GRID2: variants seen among roughly 807,000 people sequenced by gnomAD.
The protein encoded by GRID2 is glutamate receptor ionotropic, delta-2.
Under a neutral mutation model 114.8 loss-of-function variants are expected in GRID2, and 33 were observed. The ratio of observed to expected loss-of-function variants is 0.29; its 90% CI spans 0.22 to 0.38. The LOEUF (loss-of-function observed/expected upper bound fraction) is 0.38, where lower values mean the gene tolerates loss of function less well. Among genes scored for constraint, GRID2 ranks in the 10% least tolerant of loss-of-function variants. GRID2 has a pLI of 1.00. For missense variants in GRID2, 1,184 were observed against 1,257.7 expected, an observed-to-expected ratio of 0.94 and a Z score of 0.89; for synonymous variants, 505 against 449.9, an observed-to-expected ratio of 1.12 and a Z score of -1.55.
intron 13 of GRID2, 116 bp downstream of exon 13, chr4:93,515,527 C>A: frequency 1.5e-6 from 1 of 666,540 alleles, no homozygotes; most frequent in Non-Finnish European, 2.6e-6. Flanking sequence ...TTAATGCTGA[C>A]GGCAAATTTC....
intron 1 of GRID2, among the ~76,000 whole-genome samples, chr4:92,478,975 T>C (rs1325271875): frequency 6.6e-6 from 1 of 152,146 alleles, no homozygotes; most frequent in East Asian, 1.9e-4. Context: ...GAGTTTCCTT[T>C]GTGGAGCTGA....
At chr4:93,043,987 G>GA (rs1303997958) in intron 2 of GRID2, among the ~76,000 whole-genome samples, 1 of 151,642 alleles carries the variant, frequency 6.6e-6, no homozygotes, top group Non-Finnish European at 1.5e-5. Context: ...TATAAGTGAA[G>GA]AAAACCTTAC....
chr4:93,316,479 C>T (rs1432590876), intron 8 of GRID2, among the ~76,000 whole-genome samples: 1 of 152,012 alleles, frequency 6.6e-6, no homozygotes, highest in Non-Finnish European at 1.5e-5. Flanking sequence ...GGGAAACACA[C>T]ATATCAACCA....
chr4:92,711,802 C>T (rs2149310123), intron 2 of GRID2, among the ~76,000 whole-genome samples: 1 of 152,230 alleles, frequency 6.6e-6, no homozygotes, highest in Non-Finnish European at 1.5e-5. Context: ...ACTCAGGAAG[C>T]TTAGGCAGGA....
At chr4:93,048,110 C>A (rs993541888) in intron 2 of GRID2, among the ~76,000 whole-genome samples, 6 of 151,908 alleles carry the variant, frequency 3.9e-5, no homozygotes, top group Admixed American at 1.3e-4. Context: ...ATGTTAGTTG[C>A]CCCACTCAGG....
At chr4:93,132,095 G>A (rs948711043) in intron 4 of GRID2, among the ~76,000 whole-genome samples, 7 of 152,214 alleles carry the variant, frequency 4.6e-5, no homozygotes, top group African/African-American at 1.7e-4. Context: ...CTGGACTAAG[G>A]AAAGGATAAA....
chr4:93,126,584 CTTTTTTTTTTTTTT>C (rs60017147), intron 4 of GRID2, among the ~76,000 whole-genome samples: 71 of 52,746 alleles, frequency 1.3e-3, no homozygotes, highest in African/African-American at 4.5e-3. Flanking sequence ...CTATTTAATT[CTTTTTTTTTTTTTT>C]TTTTTTTTTT....
chr4:92,672,509 A>G (rs1733123130), intron 2 of GRID2, among the ~76,000 whole-genome samples: 1 of 152,060 alleles, frequency 6.6e-6, no homozygotes, highest in South Asian at 2.1e-4. Context: ...TTTAAAGTGA[A>G]TTTCTGGTGT....
intron 2 of GRID2, among the ~76,000 whole-genome samples, chr4:93,057,286 A>C (rs997091713): frequency 8.6e-5 from 13 of 151,864 alleles, no homozygotes; most frequent in African/African-American, 3.1e-4. Flanking sequence ...TGACAGGTAC[A>C]TATTTCAGTG....
chr4:92,609,150 TTG>T lies in GRID2; in HGVS notation c.244+18866_244+18867del, dbSNP rs1220575739. 2.0e-5 allele frequency among the ~76,000 whole-genome samples: 3 copies of T among 151,932 alleles called. 1 individual carries two copies. The highest frequency in any genetic ancestry group is 4.4e-5 in the Non-Finnish European group (3 of 67,838). On this transcript the variant is annotated intron_variant, in intron 2 of 15. Coordinates refer to ENST00000282020, the MANE Select transcript of GRID2 (RefSeq NM_001510.4). ...GTTCTTCACACACAGCTTGAAATACTTGTTTTTCCTTACATGCTTAGTGTATC... is the reference window on the plus strand; with the variant it reads ...GTTCTTCACACACAGCTTGAAATACTTTTTTCCTTACATGCTTAGTGTATC...
At chr4:93,120,940 G>A (rs1299811248) in intron 4 of GRID2, among the ~76,000 whole-genome samples, 2 of 152,004 alleles carry the variant, frequency 1.3e-5, no homozygotes, top group South Asian at 2.1e-4. Flanking sequence ...GCGACAGTGC[G>A]AGACTCTGTC....
intron 1 of GRID2, among the ~76,000 whole-genome samples, chr4:92,483,565 A>G (rs1722719199): frequency 6.6e-6 from 1 of 152,172 alleles, no homozygotes; most frequent in Admixed American, 6.6e-5. Flanking sequence ...GATCAAAGCT[A>G]GAGTAAAATC....
chr4:93,257,999 TAC>T (rs3970979), intron 8 of GRID2, among the ~76,000 whole-genome samples: 757 of 35,922 alleles, frequency 0.021, 6 homozygotes, highest in South Asian at 0.13. Flanking sequence ...TATATATATA[TAC>T]ACACACACAC....
chr4:93,059,739 A>G (rs1406331511), intron 2 of GRID2, among the ~76,000 whole-genome samples: 1 of 152,118 alleles, frequency 6.6e-6, no homozygotes, highest in Non-Finnish European at 1.5e-5. Context: ...TACAAAGATA[A>G]ATGAAACATA....
At chr4:92,871,032 CCTT>C (rs1359568962) in intron 2 of GRID2, among the ~76,000 whole-genome samples, 1 of 152,052 alleles carries the variant, frequency 6.6e-6, no homozygotes, top group Non-Finnish European at 1.5e-5. Flanking sequence ...TGTATTTTCT[CCTT>C]CTCTCCCCCT....
At chr4:92,335,003 T>A (rs1442187765) in intron 1 of GRID2, among the ~76,000 whole-genome samples, 2 of 152,242 alleles carry the variant, frequency 1.3e-5, no homozygotes, top group African/African-American at 4.8e-5. Flanking sequence ...TAGTTTTCTT[T>A]TTTATTCTAC....
At chr4:93,606,166 C>T (rs774939029) in intron 13 of GRID2, among the ~76,000 whole-genome samples, 42 of 152,058 alleles carry the variant, frequency 2.8e-4, no homozygotes, top group Admixed American at 2.0e-3. Flanking sequence ...ACTTGGGAGG[C>T]TGAGGCTGGA....
intron 14 of GRID2, among the ~76,000 whole-genome samples, chr4:93,726,540 A>G (rs1729915354): frequency 6.6e-6 from 1 of 152,192 alleles, no homozygotes; most frequent in Non-Finnish European, 1.5e-5. Flanking sequence ...TGGTAGCTTG[A>G]TGGGGATAGC....
At chr4:93,720,232 T>C (rs1729236315) in intron 14 of GRID2, among the ~76,000 whole-genome samples, 1 of 152,190 alleles carries the variant, frequency 6.6e-6, no homozygotes, top group Admixed American at 6.5e-5. Context: ...GTTGTAGCTC[T>C]CTATCTCATT....
Sources: gnomAD v4.1 joint callset for allele counts (sites outside exome capture counted in the v4.1 genomes callset) on GRCh38, gnomAD v4.1.1 for gene constraint, MANE v1.5 for transcripts, NCBI Gene and HGNC (gene_info 2026-07-23, HGNC 2026-07-21) for gene names.